PTCHD1: variants seen among roughly 807,000 people sequenced by gnomAD.
PTCHD1 encodes patched domain containing 1.
A neutral mutation model predicts 34.6 loss-of-function variants in PTCHD1; 3 were observed. The observed-to-expected ratio is 0.09, with a 90% CI of 0.04 to 0.22. PTCHD1 has a LOEUF of 0.22. Ranked by LOEUF, PTCHD1 falls within the 10% of genes least tolerant of loss-of-function variation. PTCHD1 has a pLI of 1.00. For missense variants in PTCHD1, 504 were observed against 685.5 expected, an observed-to-expected ratio of 0.74 and a Z score of 2.96; for synonymous variants, 305 against 283.1, an observed-to-expected ratio of 1.08 and a Z score of -0.77.
intron 1 of PTCHD1, among the ~76,000 whole-genome samples, chrX:23,342,318 TTTTTTTTTTTTTTTA>T (rs1278260446): frequency 0.031 from 925 of 29,672 alleles, 20 homozygotes; most frequent in African/African-American, 0.23. Flanking sequence ...ATATTTTTTT[TTTTTTTTTTTTTTTA>T]AAAGAATTGG....
At chrX:23,377,578 GTGTGTGTGTGTGTGTGTGTGT>G (rs1922445352) in intron 1 of PTCHD1, among the ~76,000 whole-genome samples, 1 of 83,328 alleles carries the variant, frequency 1.2e-5, no homozygotes, top group African/African-American at 5.1e-5. Context: ...TCCTAGGGGT[GTGTGTGTGTGTGTGTGTGTGT>G]GTGTGTGTGT....
At chrX:23,334,519 G>T (rs1452554470), upstream of PTCHD1, 1 of 109,060 alleles carries the variant, frequency 9.2e-6, no homozygotes, top group African/African-American at 3.3e-5. Context: ...GCGCTGAGAG[G>T]GGACGCGGCC....
chrX:23,392,475 C>T, intron 2 of PTCHD1, 56 bp from the exon 3 acceptor site: 1 of 813,223 alleles, frequency 1.2e-6, no homozygotes, highest in Non-Finnish European at 1.9e-6. Flanking sequence ...AGTTGATTTC[C>T]CTCTTAAGAG....
Position 23,400,490 on chromosome X carries a change from A to T in PTCHD1, c.*6305A>T, listed in dbSNP as rs1321710280. 1 of 112,594 alleles carries T rather than the reference A, an allele frequency of 8.9e-6. No individual in the cohort carries two copies. Among genetic ancestry groups the T allele is most frequent in the Non-Finnish European group, 1.9e-5 (1 of 53,304 alleles). 9.3% of individuals were successfully genotyped at this position (112,594 alleles called of 1,213,427 possible). On this transcript the variant is annotated 3_prime_UTR_variant, in exon 3 of 3. Coordinates refer to ENST00000379361, the MANE Select transcript of PTCHD1 (RefSeq NM_173495.3). ...AGACTTCGTCTCAAAAAAATAAAGG[A>T]CAAGTGTGTTTTATACACAAATATG...
In PTCHD1 at chrX:23,378,345, G is replaced by A. The variant is rs1330569663; in HGVS notation, c.352-1246G>A. 2.7e-5 allele frequency among the ~76,000 whole-genome samples: 3 copies of A among 111,944 alleles called. No homozygotes were observed. In the East Asian group the frequency reaches 8.4e-4, roughly 31 times the overall value. ...AAGTGACTTGTTGAGAGAATTTAAGGTGTGAAGCCCTGACACGTGGTAGTA... is the reference window on the plus strand; with the variant it reads ...AAGTGACTTGTTGAGAGAATTTAAGATGTGAAGCCCTGACACGTGGTAGTA... On this transcript the variant is annotated intron_variant, in intron 1 of 2. Coordinates refer to ENST00000379361, the MANE Select transcript of PTCHD1 (RefSeq NM_173495.3).
chrX:23,374,280 C>CAAAAAAAAAAAAAAAA (rs752214252), intron 1 of PTCHD1, among the ~76,000 whole-genome samples: 1 of 24,541 alleles, frequency 4.1e-5, no homozygotes, highest in East Asian at 4.4e-3. Context: ...GAAACAAATA[C>CAAAAAAAAAAAAAAAA]AAAAAAAAAA....
intron 1 of PTCHD1, among the ~76,000 whole-genome samples, chrX:23,354,643 G>A (rs1350947599): frequency 9.7e-6 from 1 of 103,474 alleles, no homozygotes; most frequent in East Asian, 3.0e-4. Flanking sequence ...CGCCATCTCA[G>A]CTCACTGCAA....
chrX:23,352,950 G>C (rs1409577177), intron 1 of PTCHD1, among the ~76,000 whole-genome samples: 1 of 111,969 alleles, frequency 8.9e-6, no homozygotes, highest in African/African-American at 3.2e-5. Flanking sequence ...CTAAAGCATG[G>C]TCTAAAGTGG....
At position 23,340,684 on chromosome X, in the gene PTCHD1, G is replaced by A. The variant is rs760449719; in HGVS notation, c.351+5458G>A. On this transcript the variant is annotated intron_variant, in intron 1 of 2. Coordinates refer to ENST00000379361, the MANE Select transcript of PTCHD1 (RefSeq NM_173495.3). The stretch of plus-strand genomic sequence containing the variant: ...AGAAACACGGAATCAAAGAACCTTC[G>A]GTTTAGAAGGCACCTTAAAGGTCAT... 7.1e-5 allele frequency among the ~76,000 whole-genome samples: 8 copies of A among 112,018 alleles called. No homozygotes were observed. The East Asian group carries it at 1.7e-3, about 24-fold the overall frequency.
chrX:23,349,307 T>C (rs1304455259), intron 1 of PTCHD1, among the ~76,000 whole-genome samples: 1 of 111,906 alleles, frequency 8.9e-6, no homozygotes, highest in East Asian at 2.8e-4. Flanking sequence ...AATCTAATTA[T>C]ATCAATAATC....
Position 23,393,641 on chromosome X carries a change from T to G in PTCHD1, c.2123T>G (p.Leu708Trp). The change falls in exon 3 of 3, where the codon TTG becomes TGG. Residue 708 changes from leucine (L) to tryptophan (W), a missense_variant. Transcript: ENST00000379361. ...APLHNSCISALFLLFFSAFLV... is the reference protein window; with the variant it reads ...APLHNSCISAWFLLFFSAFLV... Reference sequence around the variant, plus strand: ...CTGCACAACTCCTGCATCAGTGCTTTGTTCCTGCTCTTCTTCTCGGCATTC... The same window carrying G: ...CTGCACAACTCCTGCATCAGTGCTTGGTTCCTGCTCTTCTTCTCGGCATTC... 8.3e-7 allele frequency: 1 copy of G among 1,212,052 alleles called. No homozygotes were observed.
chrX:23,340,407 A>AT (rs1418082714), intron 1 of PTCHD1, among the ~76,000 whole-genome samples: 2 of 106,553 alleles, frequency 1.9e-5, no homozygotes, highest in African/African-American at 6.9e-5. Context: ...TGAATGCAGT[A>AT]TAACTGCTTG....
At chrX:23,383,036 G>GT (rs1274578144) in intron 2 of PTCHD1, among the ~76,000 whole-genome samples, 1 of 111,956 alleles carries the variant, frequency 8.9e-6, no homozygotes, top group East Asian at 2.8e-4. Context: ...TAATTCTGGG[G>GT]TTTTTGGATG....
At chrX:23,385,968 ATATAT>A (rs1256863798) in intron 2 of PTCHD1, among the ~76,000 whole-genome samples, 3 of 110,939 alleles carry the variant, frequency 2.7e-5, no homozygotes, top group African/African-American at 9.8e-5. Context: ...TGTTTATAAC[ATATAT>A]TATGTAATAT....
chrX:23,390,788 TGAGGGAA>T lies in PTCHD1; in HGVS notation c.1013-1740_1013-1734del, dbSNP rs751869793. ...AAGGATATAAATACTAGCTTGGGCA[TGAGGGAA>T]GATGTACACCTAGCTATTGTACACA... is the stretch of plus-strand genomic sequence containing the variant. On this transcript the variant is annotated intron_variant, in intron 2 of 2. Coordinates refer to ENST00000379361, the MANE Select transcript of PTCHD1 (RefSeq NM_173495.3). Among the ~76,000 whole-genome samples the T allele has an allele frequency of 7.1e-5, 8 of 112,135 alleles. No homozygotes were observed. In the East Asian group the frequency reaches 2.2e-3, roughly 31 times the overall value.
upstream of PTCHD1, chrX:23,334,787 TGCCGCCGCCGCCGCC>T (rs879170954): frequency 3.1e-5 from 11 of 351,631 alleles, no homozygotes; most frequent in African/African-American, 2.7e-4. Flanking sequence ...CGGGCGCCGC[TGCCGCCGCCGCCGCC>T]GCCGCCGCCG....
chrX:23,335,260 G>A, intron 1 of PTCHD1, 34 bp downstream of exon 1: 6 of 1,126,051 alleles, frequency 5.3e-6, no homozygotes, highest in Non-Finnish European at 7.3e-6. Flanking sequence ...GACTCCGCCA[G>A]CGCCGCGGCC....
chrX:23,380,467 G>A (rs892123225), intron 2 of PTCHD1: 19 of 472,810 alleles, frequency 4.0e-5, no homozygotes, highest in African/African-American at 1.7e-4. Context: ...GGGTTCTAGC[G>A]CTGACTCTCC....
chrX:23,391,660 A>G (rs143461270), intron 2 of PTCHD1, among the ~76,000 whole-genome samples: 3,205 of 111,106 alleles, frequency 0.029, 129 homozygotes, highest in African/African-American at 0.099. Context: ...AAATGAGGTG[A>G]CAGGACATTA....
Sources: allele counts gnomAD v4.1 joint callset (sites outside exome capture counted in the v4.1 genomes callset), GRCh38; gene constraint gnomAD v4.1.1; transcripts MANE v1.5; gene names NCBI Gene and HGNC (gene_info 2026-07-23, HGNC 2026-07-21).